The following DNAI4 variants were observed in gnomAD, a reference collection of about 807,000 sequenced individuals.
The protein encoded by DNAI4 is dynein axonemal intermediate chain 4.
DNAI4 carries 85 observed loss-of-function variants against 105.8 expected under a neutral mutation model. That is an observed-to-expected ratio of 0.80 (90% CI 0.67 to 0.96). The LOEUF (loss-of-function observed/expected upper bound fraction) is 0.96, where lower values mean the gene tolerates loss of function less well. Among genes scored for constraint, DNAI4 ranks in the 40% least tolerant of loss-of-function variants. The probability of loss-of-function intolerance (pLI) is 0.00; values close to 1 mark genes in which losing one functional copy is unlikely to be tolerated. For missense variants in DNAI4, 1,014 were observed against 1,005.6 expected (o/e 1.01, Z -0.11); for synonymous variants, 352 against 331.5 (o/e 1.06, Z -0.67).
chr1:66,825,355 G>T (rs1255251313), intron 15 of DNAI4, among the ~76,000 whole-genome samples: 1 of 150,274 alleles, frequency 6.7e-6, no homozygotes. Context: ...AATTTTTTTT[G>T]TATTTTTAGT....
At chr1:66,858,449 C>T (rs532643447) in intron 7 of DNAI4, among the ~76,000 whole-genome samples, 7 of 147,892 alleles carry the variant, frequency 4.7e-5, no homozygotes, top group Non-Finnish European at 1.0e-4. Flanking sequence ...AGGAGAATGG[C>T]GTGAACCCAG....
intron 16 of DNAI4, among the ~76,000 whole-genome samples, chr1:66,820,431 C>G (rs1480295150): frequency 1.3e-5 from 2 of 152,084 alleles, no homozygotes; most frequent in Non-Finnish European, 2.9e-5. Flanking sequence ...AGACACTATA[C>G]TAGCCCATGG....
chr1:66,819,221 A>G (rs1398350045), intron 16 of DNAI4, among the ~76,000 whole-genome samples: 3 of 152,184 alleles, frequency 2.0e-5, no homozygotes, highest in African/African-American at 7.2e-5. Flanking sequence ...TCTTTGCTCG[A>G]GATTTTCCCT....
intron 1 of DNAI4, among the ~76,000 whole-genome samples, chr1:66,919,648 T>C (rs1343668859): frequency 6.6e-6 from 1 of 152,206 alleles, no homozygotes; most frequent in East Asian, 1.9e-4. Context: ...TTCTAGCAGG[T>C]GGATAGGAAG....
intron 16 of DNAI4, among the ~76,000 whole-genome samples, chr1:66,818,954 A>T (rs139750419): frequency 4.6e-5 from 7 of 152,218 alleles, no homozygotes; most frequent in African/African-American, 9.6e-5. Context: ...AACACCTCAC[A>T]TTGATACTTC....
chr1:66,921,828 G>C (rs1650503136), intron 1 of DNAI4, among the ~76,000 whole-genome samples: 1 of 151,786 alleles, frequency 6.6e-6, no homozygotes, highest in Non-Finnish European at 1.5e-5. Context: ...AAAAATCTCT[G>C]CCTTTTTGGA....
chr1:66,829,077 C>T lies in DNAI4; in HGVS notation c.2014-1167G>A, dbSNP rs181976857. ...GGCAGATATTTCAGTTGAGCCGTGACGCAGTTGCAATCAAGGGCTTAGTCC... is the reference window on the plus strand; with the variant it reads ...GGCAGATATTTCAGTTGAGCCGTGATGCAGTTGCAATCAAGGGCTTAGTCC... On this transcript the variant is annotated intron_variant, in intron 13 of 16. Transcript: ENST00000371026. Among the ~76,000 whole-genome samples, 87 of 152,192 alleles carry T rather than the reference C, an allele frequency of 5.7e-4. No individual in the cohort carries two copies. In the East Asian group the frequency reaches 0.015, roughly 26 times the overall value.
At chr1:66,892,991 AAGAAAGAGAGAAAGAGAG>A (rs557874558) in intron 3 of DNAI4, among the ~76,000 whole-genome samples, 34 of 108,012 alleles carry the variant, frequency 3.1e-4, no homozygotes, top group African/African-American at 1.2e-3. Flanking sequence ...GAAAGAAAGA[AAGAAAGAGAGAAAGAGAG>A]AGAGGAAAGA....
chr1:66,822,627 G>A (rs1386392446), intron 15 of DNAI4, 110 bp from the exon 16 acceptor site: 1 of 991,316 alleles, frequency 1.0e-6, no homozygotes, highest in African/African-American at 1.7e-5. Flanking sequence ...AAAACCATAA[G>A]CCTATTTAAG....
intron 1 of DNAI4, among the ~76,000 whole-genome samples, chr1:66,912,425 C>G (rs1389854757): frequency 1.3e-5 from 2 of 151,810 alleles, no homozygotes; most frequent in African/African-American, 4.8e-5. Context: ...GCCAAGATCA[C>G]ACCATTGCAC....
Position 66,833,577 on chromosome 1 carries a change from T to C in DNAI4, c.2013+8A>G, listed in dbSNP as rs1645914259. The C allele has an allele frequency of 6.2e-7, 1 of 1,611,840 alleles. No individual in the cohort carries two copies. Among genetic ancestry groups the C allele is most frequent in the African/African-American group, 1.3e-5 (1 of 74,834 alleles). On this transcript the variant is annotated splice_region_variant and intron_variant, in intron 13 of 16. Coordinates refer to ENST00000371026, the MANE Select transcript of DNAI4 (RefSeq NM_024763.5). ...TGTCCAGTGGTAAATAAGAGTGAAA[T>C]AATTTACCTTGGGATGAAAAGCAAA...
At chr1:66,858,551 T>A (rs55740272) in intron 7 of DNAI4, among the ~76,000 whole-genome samples, 19,402 of 114,852 alleles carry the variant, frequency 0.17, 2,226 homozygotes, top group East Asian at 0.4. Context: ...AAAAAAAAAA[T>A]GCAAAAATCC....
intron 7 of DNAI4, chr1:66,848,410 T>C (rs1262982430): frequency 5.4e-6 from 2 of 369,856 alleles, no homozygotes; most frequent in South Asian, 4.1e-5. Flanking sequence ...CCCATTGTAA[T>C]CACATCTGGA....
At chr1:66,913,101 GGTTT>G (rs910608433) in intron 1 of DNAI4, among the ~76,000 whole-genome samples, 14 of 152,080 alleles carry the variant, frequency 9.2e-5, no homozygotes, top group African/African-American at 2.7e-4. Flanking sequence ...AGGGTTTTTT[GGTTT>G]GTTTGTTTTT....
rs768125821 is a variant in DNAI4 at position 66,837,784 on chromosome 1, C to T, written c.1507G>A (p.Val503Ile). The change falls in exon 10 of 17, where the codon GTT becomes ATT. Residue 503 changes from valine (V) to isoleucine (I), a missense_variant. By Grantham distance (29) the Val-to-Ile change is conservative. Transcript: ENST00000371026. ...WNKTNPDLLAVGYGHFGFKEQ... is the reference protein window; with the variant it reads ...WNKTNPDLLAIGYGHFGFKEQ... ...TTAAATCCAAAGTGCCCATAGCCAA[C>T]AGCCAAAAGATCCTGAAAACCAGAA... 1 of 1,602,482 alleles carries T rather than the reference C, an allele frequency of 6.2e-7. No individual in the cohort carries two copies. The highest frequency in any genetic ancestry group is 8.5e-7 in the Non-Finnish European group (1 of 1,176,816).
intron 2 of DNAI4, 49 bp from the exon 3 acceptor site, chr1:66,893,462 T>C (rs766601773): frequency 7.0e-6 from 9 of 1,282,938 alleles, no homozygotes; most frequent in Admixed American, 5.5e-5. Flanking sequence ...AGACAGGGCT[T>C]CTAAATAACA....
At position 66,832,754 on chromosome 1, in the gene DNAI4, C is replaced by A. The variant is rs113641199; in HGVS notation, c.2013+831G>T. Among the ~76,000 whole-genome samples the A allele has an allele frequency of 1.4e-3, 211 of 152,054 alleles. 1 individual carries two copies. The highest frequency in any genetic ancestry group is 4.8e-3 in the African/African-American group (201 of 41,488). ...TGATGTGATTATTACTCATTGCATGCCTGTATCAAAACATCACATGTACCC... is the reference window on the plus strand; with the variant it reads ...TGATGTGATTATTACTCATTGCATGACTGTATCAAAACATCACATGTACCC... On this transcript the variant is annotated intron_variant, in intron 13 of 16. Coordinates refer to ENST00000371026, the MANE Select transcript of DNAI4 (RefSeq NM_024763.5).
intron 14 of DNAI4, 102 bp from the exon 15 acceptor site, chr1:66,827,148 T>G: frequency 1.0e-6 from 1 of 972,122 alleles, no homozygotes; most frequent in Non-Finnish European, 1.5e-6. Context: ...ATTTTCACAC[T>G]ATTCATTATT....
intron 1 of DNAI4, among the ~76,000 whole-genome samples, chr1:66,909,487 C>CTT (rs564709453): frequency 1.4e-5 from 2 of 143,856 alleles, no homozygotes; most frequent in Admixed American, 7.0e-5. Flanking sequence ...ATTCTTTTCT[C>CTT]TTTTTTTTTT....
Sources: allele counts gnomAD v4.1 joint callset (sites outside exome capture counted in the v4.1 genomes callset), GRCh38; gene constraint gnomAD v4.1.1; transcripts MANE v1.5; gene names NCBI Gene and HGNC (gene_info 2026-07-23, HGNC 2026-07-21).